LDB2: variants seen among roughly 807,000 people sequenced by gnomAD.
LDB2 encodes the protein LIM domain binding 2, also known as LIM domain-binding protein 2.
In LDB2, 12 loss-of-function variants were observed where a neutral mutation model predicts 44.3. The ratio of observed to expected loss-of-function variants is 0.27; its 90% CI spans 0.17 to 0.44. LDB2 has a LOEUF of 0.44. Among genes scored for constraint, LDB2 ranks in the 20% least tolerant of loss-of-function variants. The pLI is 1.00. For synonymous variants in LDB2, 164 were observed against 174.8 expected, an observed-to-expected ratio of 0.94 and a Z score of 0.49; for missense variants, 344 against 473.5, an observed-to-expected ratio of 0.73 and a Z score of 2.54.
intron 5 of LDB2, among the ~76,000 whole-genome samples, chr4:16,567,843 T>A (rs543911679): frequency 6.6e-6 from 1 of 152,350 alleles, no homozygotes; most frequent in African/African-American, 2.4e-5. Flanking sequence ...ATGAATAAAT[T>A]ACAGTACAAA....
At position 16,582,927 on chromosome 4, in the gene LDB2, C is replaced by A. The variant is rs1478583907; in HGVS notation, c.615+2995G>T. Reference sequence around the variant, plus strand: ...GAGGGAACAGCAGGTGATTTGATAACCCAAATCAAATGACAATAGTTGTTC... The same window carrying A: ...GAGGGAACAGCAGGTGATTTGATAAACCAAATCAAATGACAATAGTTGTTC... On this transcript the variant is annotated intron_variant, in intron 5 of 7. Coordinates refer to ENST00000304523, the MANE Select transcript of LDB2 (RefSeq NM_001290.5). The surrounding 1 kb of genome is among the most constrained non-coding windows in gnomAD (Gnocchi z 4.8). Among the ~76,000 whole-genome samples, 1 of 152,074 alleles carries A rather than the reference C, an allele frequency of 6.6e-6. No individual in the cohort carries two copies. Among genetic ancestry groups the A allele is most frequent in the East Asian group, 1.9e-4 (1 of 5,186 alleles).
intron 1 of LDB2, among the ~76,000 whole-genome samples, chr4:16,777,435 A>C (rs1268338575): frequency 6.6e-6 from 1 of 151,946 alleles, no homozygotes; most frequent in South Asian, 2.1e-4. Context: ...AGGGACTGAA[A>C]GGAAGATGCT....
At chr4:16,804,101 T>C (rs1778341334) in intron 1 of LDB2, among the ~76,000 whole-genome samples, 1 of 152,142 alleles carries the variant, frequency 6.6e-6, no homozygotes, top group Non-Finnish European at 1.5e-5. Context: ...TCCATGTAAA[T>C]GTGTAAATTG....
chr4:16,836,181 AGGTT>A (rs1436545783), intron 1 of LDB2, among the ~76,000 whole-genome samples: 1 of 152,234 alleles, frequency 6.6e-6, no homozygotes, highest in East Asian at 1.9e-4. Flanking sequence ...TGTGAACCAA[AGGTT>A]GGTCATTCAC....
intron 2 of LDB2, among the ~76,000 whole-genome samples, chr4:16,721,815 G>A (rs187212526): frequency 1.7e-4 from 26 of 152,278 alleles, no homozygotes; most frequent in South Asian, 1.4e-3. Flanking sequence ...ATCTAAAGCC[G>A]AAAGAGGGTG....
intron 2 of LDB2, among the ~76,000 whole-genome samples, chr4:16,693,328 G>T (rs16893800): frequency 0.023 from 3,384 of 146,328 alleles, 45 homozygotes; most frequent in East Asian, 0.043. Flanking sequence ...TGGGCTACTT[G>T]TTCCCTAGAG....
intron 5 of LDB2, among the ~76,000 whole-genome samples, chr4:16,561,487 A>G (rs2152379877): frequency 6.6e-6 from 1 of 152,302 alleles, no homozygotes; most frequent in South Asian, 2.1e-4. Flanking sequence ...AAGAGAATAA[A>G]ATACCTAGGA....
intron 2 of LDB2, among the ~76,000 whole-genome samples, chr4:16,699,945 A>G (rs925784889): frequency 6.6e-6 from 1 of 152,182 alleles, no homozygotes; most frequent in African/African-American, 2.4e-5. Flanking sequence ...CTAAATTTGA[A>G]TTTCAGATAA....
chr4:16,530,148 C>G (rs28587161), intron 5 of LDB2, among the ~76,000 whole-genome samples: 3,087 of 152,262 alleles, frequency 0.02, 98 homozygotes, highest in African/African-American at 0.07. Flanking sequence ...TGAAAGTTAG[C>G]ATACTCCTGG....
At chr4:16,579,971 G>A (rs1231447814) in intron 5 of LDB2, among the ~76,000 whole-genome samples, 1 of 152,148 alleles carries the variant, frequency 6.6e-6, no homozygotes, top group Admixed American at 6.5e-5. Context: ...ACTGGGGAGA[G>A]GCTCCTACCC....
intron 2 of LDB2, among the ~76,000 whole-genome samples, chr4:16,702,833 C>A (rs763743455): frequency 9.2e-5 from 14 of 152,200 alleles, no homozygotes; most frequent in Non-Finnish European, 1.9e-4. Context: ...CCATGACGGA[C>A]CTCCAGCCCT....
chr4:16,505,434 TAGAC>T (rs1366007445), intron 7 of LDB2, among the ~76,000 whole-genome samples: 12 of 152,200 alleles, frequency 7.9e-5, no homozygotes, highest in African/African-American at 2.9e-4. Context: ...CATATGCACA[TAGAC>T]AGTTAAGGCC....
chr4:16,600,813 G>C (rs1342295262), intron 2 of LDB2, among the ~76,000 whole-genome samples: 1 of 151,970 alleles, frequency 6.6e-6, no homozygotes, highest in Non-Finnish European at 1.5e-5. Context: ...GTAGATATTA[G>C]GATATCTACA....
chr4:16,695,112 A>G (rs1289615967), intron 2 of LDB2, among the ~76,000 whole-genome samples: 1 of 152,190 alleles, frequency 6.6e-6, no homozygotes, highest in Non-Finnish European at 1.5e-5. Context: ...GAACCTCAAG[A>G]GGGGGCTTCA....
intron 1 of LDB2, among the ~76,000 whole-genome samples, chr4:16,892,128 C>A (rs973450464): frequency 6.6e-6 from 1 of 152,156 alleles, no homozygotes; most frequent in African/African-American, 2.4e-5. Flanking sequence ...TCTATGACTG[C>A]CTTTCAGAAA....
At chr4:16,503,132 C>A (rs546543270) in intron 7 of LDB2, 1 of 1,535,888 alleles carries the variant, frequency 6.5e-7, no homozygotes, top group Admixed American at 2.0e-5. Flanking sequence ...TGCTAGCAAT[C>A]TGCAGAAATA....
At chr4:16,671,390 CG>C (rs1176370470) in intron 2 of LDB2, among the ~76,000 whole-genome samples, 1 of 152,020 alleles carries the variant, frequency 6.6e-6, no homozygotes, top group African/African-American at 2.4e-5. Flanking sequence ...TAAGATACTC[CG>C]TGTAAAAAAC....
chr4:16,670,794 T>C (rs1242182533), intron 2 of LDB2, among the ~76,000 whole-genome samples: 1 of 152,234 alleles, frequency 6.6e-6, no homozygotes, highest in African/African-American at 2.4e-5. Flanking sequence ...TTAAAATATA[T>C]GTCGCTCATA....
At chr4:16,784,813 A>C (rs1774037960) in intron 1 of LDB2, among the ~76,000 whole-genome samples, 1 of 151,916 alleles carries the variant, frequency 6.6e-6, no homozygotes. Flanking sequence ...TACCCTATGC[A>C]CTCTGCATCT....
Sources: gnomAD v4.1 joint callset for allele counts (sites outside exome capture counted in the v4.1 genomes callset) on GRCh38, gnomAD v4.1.1 for gene constraint, Gnocchi (gnomAD v3.1) non-coding constraint, MANE v1.5 for transcripts, NCBI Gene and HGNC (gene_info 2026-07-23, HGNC 2026-07-21) for gene names.